The following ESF1 variants were observed in gnomAD, a reference collection of about 807,000 sequenced individuals.
ESF1 encodes the protein ESF1 nucleolar pre-rRNA processing protein.
In ESF1, 58 loss-of-function variants were observed where a neutral mutation model predicts 92.0. The observed-to-expected ratio is 0.63, with a 90% CI of 0.51 to 0.78. The LOEUF (loss-of-function observed/expected upper bound fraction) is 0.78, where lower values mean the gene tolerates loss of function less well. ESF1 is among the 30% of genes least tolerant of loss of function. The pLI, the probability that ESF1 is intolerant of heterozygous loss-of-function variation, is 0.00. For missense variants in ESF1, 922 were observed against 989.1 expected, an observed-to-expected ratio of 0.93 and a Z score of 0.91; for synonymous variants, 321 against 313.7, an observed-to-expected ratio of 1.02 and a Z score of -0.24.
chr20:13,769,928 A>C lies in ESF1; in HGVS notation c.1497T>G (p.Ser499=), dbSNP rs1328461069. Residue 499 remains serine, a synonymous_variant, in exon 7 of 14, where the codon TCT becomes TCG. Transcript: ENST00000617257. The part of the protein sequence containing the change: ...LTAYKPKYFT[S]AAMGTSTVEI... The stretch of plus-strand genomic sequence containing the variant: ...ATACCGTTGATGTTCCCATTGCAGC[A>C]GAAGTGAAATATTTTGGTTTATATG... 6.2e-7 allele frequency: 1 copy of C among 1,610,320 alleles called. No individual in the cohort carries two copies. Among genetic ancestry groups the C allele is most frequent in the Non-Finnish European group, 8.5e-7 (1 of 1,177,876 alleles).
rs183067303 is a variant in ESF1 at position 13,721,107 on chromosome 20, A to G, written c.2039-2123T>C. Among the ~76,000 whole-genome samples, 26 of 152,308 alleles carry G rather than the reference A, an allele frequency of 1.7e-4. 1 individual carries two copies. The highest frequency in any genetic ancestry group is 5.9e-5 in the Non-Finnish European group (4 of 68,026). ...CACTGCACTCCAGCCTGGGCAACAGAGCGAGACTCTGTCTCGATAAAAAAA... is the reference window on the plus strand; with the variant it reads ...CACTGCACTCCAGCCTGGGCAACAGGGCGAGACTCTGTCTCGATAAAAAAA... On this transcript the variant is annotated intron_variant, in intron 11 of 13. Transcript: ENST00000617257.
intron 2 of ESF1, among the ~76,000 whole-genome samples, chr20:13,779,670 G>T (rs531369898): frequency 6.6e-6 from 1 of 152,304 alleles, no homozygotes; most frequent in East Asian, 1.9e-4. Flanking sequence ...AAGTAGCTGG[G>T]ATTACAGGTG....
chr20:13,716,610 T>C (rs1419222943), intron 13 of ESF1, among the ~76,000 whole-genome samples: 2 of 151,702 alleles, frequency 1.3e-5, no homozygotes, highest in Non-Finnish European at 2.9e-5. Context: ...GGCTCCACCA[T>C]CAGTCTTTCT....
chr20:13,720,777 T>C (rs2049862643), intron 11 of ESF1, among the ~76,000 whole-genome samples: 2 of 152,240 alleles, frequency 1.3e-5, no homozygotes, highest in South Asian at 4.1e-4. Context: ...CAGGTGCTGT[T>C]CACTGTATTA....
chr20:13,767,056 T>C (rs1403231780), intron 7 of ESF1, 132 bp from the exon 8 acceptor site: 1 of 760,470 alleles, frequency 1.3e-6, no homozygotes, highest in Non-Finnish European at 2.1e-6. Context: ...AACAAATACA[T>C]GAATGATATG....
chr20:13,727,541 G>A (rs574950009), intron 11 of ESF1, among the ~76,000 whole-genome samples: 2 of 152,286 alleles, frequency 1.3e-5, no homozygotes, highest in South Asian at 2.1e-4. Context: ...CAAGCCTTTT[G>A]GGGTTCTTGT....
chr20:13,735,176 C>T (rs753773661), intron 9 of ESF1, among the ~76,000 whole-genome samples: 2 of 152,046 alleles, frequency 1.3e-5, no homozygotes, highest in Non-Finnish European at 2.9e-5. Context: ...CAACTAAAAA[C>T]ACTGCTTTTG....
chr20:13,782,796 T>C lies in ESF1; in HGVS notation c.345A>G (p.Lys115=), dbSNP rs149973929. The C allele has an allele frequency of 3.7e-5, 60 of 1,605,112 alleles. No individual in the cohort carries two copies. Among genetic ancestry groups the C allele is most frequent in the African/African-American group, 2.8e-4 (21 of 74,258 alleles). Residue 115 remains lysine, a synonymous_variant, in exon 2 of 14, where the codon AAA becomes AAG. Coordinates refer to ENST00000617257, the MANE Select transcript of ESF1 (RefSeq NM_001276380.2). The part of the protein sequence containing the change: ...IDSKNLVEKK[K]ETKKANHKGS... ...CCTTGTGATTAGCCTTCTTGGTTTC[T>C]TTCTTTTTCTCAACTAGATTTTTTG...
chr20:13,770,675 A>G (rs546298966), intron 6 of ESF1, among the ~76,000 whole-genome samples: 1 of 152,324 alleles, frequency 6.6e-6, no homozygotes, highest in Non-Finnish European at 1.5e-5. Flanking sequence ...AAGATCAAAT[A>G]TAATTATTAA....
intron 9 of ESF1, among the ~76,000 whole-genome samples, chr20:13,736,131 T>A (rs770417393): frequency 4.6e-5 from 7 of 152,166 alleles, no homozygotes; most frequent in Non-Finnish European, 8.8e-5. Flanking sequence ...ATTTGTAGGT[T>A]CTACATCAGG....
chr20:13,775,099 A>C, intron 4 of ESF1, 58 bp downstream of exon 4: 1 of 1,158,762 alleles, frequency 8.6e-7, no homozygotes, highest in East Asian at 2.5e-5. Flanking sequence ...AAAAAAAAAA[A>C]TCAGATTTAA....
chr20:13,749,613 T>G (rs1478295543), intron 9 of ESF1, among the ~76,000 whole-genome samples: 1 of 152,144 alleles, frequency 6.6e-6, no homozygotes, highest in Non-Finnish European at 1.5e-5. Flanking sequence ...TCACCCAGGC[T>G]GGAGTATAGT....
chr20:13,774,996 C>T (rs1359439040), intron 4 of ESF1, among the ~76,000 whole-genome samples, 161 bp downstream of exon 4: 1 of 151,240 alleles, frequency 6.6e-6, no homozygotes. Context: ...CTCTTCCTTT[C>T]TAACATTTAT....
chr20:13,763,486 G>A (rs1028852662), intron 8 of ESF1, among the ~76,000 whole-genome samples: 1 of 152,204 alleles, frequency 6.6e-6, no homozygotes, highest in Admixed American at 6.5e-5. Flanking sequence ...ATCTTCACAA[G>A]TGTACATAAA....
rs1232893951 is a variant in ESF1, at chr20:13,769,922, T to C, written c.1503A>G (p.Ala501=). The C allele has an allele frequency of 6.2e-7, 1 of 1,608,614 alleles. No homozygotes were observed. The highest frequency in any genetic ancestry group is 8.5e-7 in the Non-Finnish European group (1 of 1,176,298). Residue 501 remains alanine, a synonymous_variant, in exon 7 of 14, where the codon GCA becomes GCG. Coordinates refer to ENST00000617257, the MANE Select transcript of ESF1 (RefSeq NM_001276380.2). ...AYKPKYFTSA[A]MGTSTVEITW... ...AAAGAAATACCGTTGATGTTCCCAT[T>C]GCAGCAGAAGTGAAATATTTTGGTT...
At chr20:13,776,404 T>A (rs966036817) in intron 2 of ESF1, 134 bp from the exon 3 acceptor site, 6 of 828,352 alleles carry the variant, frequency 7.2e-6, no homozygotes, top group Admixed American at 3.2e-5. Flanking sequence ...ATATATTCAG[T>A]AAATGCTTAG....
At chr20:13,766,218 C>T (rs186189622) in intron 8 of ESF1, among the ~76,000 whole-genome samples, 2 of 152,198 alleles carry the variant, frequency 1.3e-5, no homozygotes, top group African/African-American at 2.4e-5. Flanking sequence ...AACATAATGG[C>T]TAAGAATATT....
chr20:13,779,313 T>A (rs1164148771), intron 2 of ESF1, among the ~76,000 whole-genome samples: 1 of 152,174 alleles, frequency 6.6e-6, no homozygotes, highest in East Asian at 1.9e-4. Flanking sequence ...AAAATATGGT[T>A]AATAAATAAA....
chr20:13,759,658 GAA>G, intron 9 of ESF1, 32 bp downstream of exon 9: 1 of 1,561,146 alleles, frequency 6.4e-7, no homozygotes, highest in Non-Finnish European at 8.6e-7. Flanking sequence ...GCTGAAATTC[GAA>G]AAAGAGAAAA....
Sources: allele counts gnomAD v4.1 joint callset (sites outside exome capture counted in the v4.1 genomes callset), GRCh38; gene constraint gnomAD v4.1.1; transcripts MANE v1.5; gene names NCBI Gene and HGNC (gene_info 2026-07-23, HGNC 2026-07-21).